Variants in EVI5 observed in about 807,000 individuals in gnomAD.
EVI5 encodes the protein ecotropic viral integration site 5, also known as ecotropic viral integration site 5 protein homolog.
In EVI5, 73 loss-of-function variants were observed where a neutral mutation model predicts 112.0. The observed-to-expected ratio is 0.65, with a 90% CI of 0.54 to 0.79. EVI5 has a LOEUF of 0.79. Ranked by LOEUF, EVI5 falls within the 30% of genes least tolerant of loss-of-function variation. The probability of loss-of-function intolerance (pLI) is 0.00; values close to 1 mark genes in which losing one functional copy is unlikely to be tolerated. For missense variants in EVI5, 900 were observed against 968.8 expected (o/e 0.93, Z 0.94); for synonymous variants, 305 against 319.9 (o/e 0.95, Z 0.50).
In EVI5 at chr1:92,693,863, C is replaced by T. The variant is rs1358217957; in HGVS notation, c.1036G>A (p.Val346Ile). The change falls in exon 9 of 20, where the codon GTC becomes ATC. Residue 346 changes from valine (V) to isoleucine (I), a missense_variant. By Grantham distance (29) the Val-to-Ile change is conservative. Transcript: ENST00000684568. ...QKVIPHQFDG[V>I]PDKLIQAAYQ... ...GCTGCTTGGATTAGCTTGTCTGGGA[C>T]ACCATCAAACTGATGTGGAATGACC... is the stretch of plus-strand genomic sequence containing the variant. 1.2e-6 allele frequency: 2 copies of T among 1,604,908 alleles called. No individual in the cohort carries two copies. Among genetic ancestry groups the T allele is most frequent in the African/African-American group, 1.3e-5 (1 of 74,538 alleles).
chr1:92,643,656 C>T (rs1344993319), intron 13 of EVI5, among the ~76,000 whole-genome samples: 3 of 152,160 alleles, frequency 2.0e-5, no homozygotes, highest in Non-Finnish European at 2.9e-5. Context: ...CTACTAAAGA[C>T]AATCATTCTA....
rs1174854137 is a variant in EVI5, at chr1:92,732,810, G to A, written c.149+3588C>T. Among the ~76,000 whole-genome samples, 3 of 144,450 alleles carry A rather than the reference G, an allele frequency of 2.1e-5. No individual in the cohort carries two copies. In the Admixed American group the frequency reaches 2.3e-4, roughly 11 times the overall value. 94.8% of individuals were successfully genotyped at this position (144,450 alleles called of 152,430 possible). A position where few individuals can be genotyped will look rare whatever the true frequency, so the allele number is the denominator to read the frequency against. ...AGCTACTTGGGAGGCTGAGGGAGAA[G>A]AATTGCTTGAACCCAGGAGGCAGAC... is the stretch of plus-strand genomic sequence containing the variant. On this transcript the variant is annotated intron_variant, in intron 2 of 19. Coordinates refer to ENST00000684568, the MANE Select transcript of EVI5 (RefSeq NM_001350197.2).
chr1:92,589,477 C>G (rs1323371753), intron 18 of EVI5, among the ~76,000 whole-genome samples: 1 of 152,184 alleles, frequency 6.6e-6, no homozygotes, highest in Non-Finnish European at 1.5e-5. Context: ...TATCCTGTGC[C>G]TGGCTTGGAG....
rs1461426278 is a variant in EVI5 at position 92,624,283 on chromosome 1, C to A, written c.1720G>T (p.Ala574Ser). 6.2e-7 allele frequency: 1 copy of A among 1,613,464 alleles called. No individual in the cohort carries two copies. The highest frequency in any genetic ancestry group is 1.1e-5 in the South Asian group (1 of 91,064). ...GRWKDPPKKN[A>S]MNELQDELMT... ...AGTTCATCTTGTAACTCATTCATAG[C>A]ATTTTTCTTGGGTGGGTCTTTCCAT... The change falls in exon 16 of 20, where the codon GCT (alanine) becomes TCT (serine). Residue 574 changes from alanine to serine, a missense_variant. By Grantham distance (99) the Ala-to-Ser change is moderately conservative. Coordinates refer to ENST00000684568, the MANE Select transcript of EVI5 (RefSeq NM_001350197.2).
intron 18 of EVI5, among the ~76,000 whole-genome samples, chr1:92,575,816 A>G (rs1249865274): frequency 6.6e-6 from 1 of 151,970 alleles, no homozygotes; most frequent in East Asian, 1.9e-4. Context: ...CACTCACTTC[A>G]GCCTCCCAAA....
upstream of EVI5, among the ~76,000 whole-genome samples, chr1:92,788,320 A>G (rs550938700): frequency 1.3e-5 from 2 of 151,988 alleles, no homozygotes; most frequent in South Asian, 4.2e-4. Flanking sequence ...AATACAAAAA[A>G]AAAATTAGCC....
chr1:92,694,765 T>C (rs1468173372), intron 7 of EVI5, among the ~76,000 whole-genome samples: 1 of 152,180 alleles, frequency 6.6e-6, no homozygotes, highest in East Asian at 1.9e-4. Context: ...GTAATACAAA[T>C]TGATTTTCCC....
In EVI5 at chr1:92,785,077, C is replaced by T. The variant is rs1455785293; in HGVS notation, c.-323G>A. ...TTGCCAGCTGGCCAGCTGGTTCCTC[C>T]GGGGTCCGGCCCGGCCGCGTCAGGA... On this transcript the variant is annotated 5_prime_UTR_variant, in exon 1 of 20. Coordinates refer to ENST00000684568, the MANE Select transcript of EVI5 (RefSeq NM_001350197.2). The T allele has an allele frequency of 6.1e-6, 6 of 985,348 alleles. No individual in the cohort carries two copies. The highest frequency in any genetic ancestry group is 4.8e-6 in the Non-Finnish European group (4 of 830,026). 61.0% of individuals were successfully genotyped at this position (985,348 alleles called of 1,614,324 possible).
At chr1:92,719,526 A>G (rs539721761) in intron 2 of EVI5, among the ~76,000 whole-genome samples, 1 of 152,166 alleles carries the variant, frequency 6.6e-6, no homozygotes, top group South Asian at 2.1e-4. Context: ...TCAATAAACT[A>G]GGTATTGATG....
intron 18 of EVI5, among the ~76,000 whole-genome samples, chr1:92,591,576 T>C (rs1271194733): frequency 6.6e-6 from 1 of 152,132 alleles, no homozygotes; most frequent in Non-Finnish European, 1.5e-5. Flanking sequence ...CCTAAATATA[T>C]ATGCACCCAA....
chr1:92,614,799 ATGTG>A (rs1274598523), intron 16 of EVI5, among the ~76,000 whole-genome samples: 1 of 147,666 alleles, frequency 6.8e-6, no homozygotes, highest in East Asian at 2.0e-4. Context: ...ATATATATGT[ATGTG>A]TATTATATAT....
chr1:92,561,614 T>TAATGTATCCC (rs1557790344), intron 19 of EVI5, among the ~76,000 whole-genome samples: 2 of 77,302 alleles, frequency 2.6e-5, no homozygotes, highest in Non-Finnish European at 5.6e-5. Flanking sequence ...CTATCCTATC[T>TAATGTATCCC]ATCTATCTAT....
At chr1:92,654,726 C>G (rs1662722146) in intron 13 of EVI5, among the ~76,000 whole-genome samples, 1 of 151,828 alleles carries the variant, frequency 6.6e-6, no homozygotes, top group African/African-American at 2.4e-5. Context: ...TACTGATTTC[C>G]AAGAAGCTCA....
chr1:92,547,850 A>G (rs999634434), intron 19 of EVI5, among the ~76,000 whole-genome samples: 1 of 152,242 alleles, frequency 6.6e-6, no homozygotes, highest in Non-Finnish European at 1.5e-5. Flanking sequence ...TTGAGGCAAT[A>G]ATTAGTAGCC....
chr1:92,669,561 A>AAAAAAAAAAAAAAAAAAAAAAAAAAC (rs1665511910), intron 10 of EVI5, among the ~76,000 whole-genome samples: 2 of 149,806 alleles, frequency 1.3e-5, no homozygotes, highest in Non-Finnish European at 3.0e-5. Flanking sequence ...AAAAAAAAAA[A>AAAAAAAAAAAAAAAAAAAAAAAAAAC]TCACTGGGAA....
chr1:92,604,662 A>G (rs1649957742), intron 18 of EVI5, among the ~76,000 whole-genome samples: 1 of 152,230 alleles, frequency 6.6e-6, no homozygotes, highest in African/African-American at 2.4e-5. Flanking sequence ...AACCAGTAAC[A>G]TAGTCATTTA....
chr1:92,695,067 G>A (rs1670089192), intron 7 of EVI5, among the ~76,000 whole-genome samples: 1 of 152,190 alleles, frequency 6.6e-6, no homozygotes, highest in South Asian at 2.1e-4. Context: ...TATGTATTGT[G>A]TGTCCATAGA....
chr1:92,731,937 T>C (rs1040013669), intron 2 of EVI5: 1 of 152,306 alleles, frequency 6.6e-6, no homozygotes, highest in African/African-American at 2.4e-5. Context: ...CGGTATAATC[T>C]TGGATCACCG....
At position 92,665,966 on chromosome 1, in the gene EVI5, TAA is replaced by T. The variant is rs1204264337; in HGVS notation, c.1183_1184del (p.Leu395LysfsTer17). The T allele has an allele frequency of 1.9e-6, 3 of 1,609,176 alleles. No homozygotes were observed. The highest frequency in any genetic ancestry group is 1.7e-6 in the Non-Finnish European group (2 of 1,178,376). On this transcript the variant is annotated frameshift_variant, in exon 11 of 20. Coordinates refer to ENST00000684568, the MANE Select transcript of EVI5 (RefSeq NM_001350197.2). LOFTEE classifies it high-confidence loss of function. ...TTTCTAATGTCTCGATGCGCTGTTT[TAA>T]AAGTCTATTTTCTGTGCGTAACCTC... The part of the protein sequence containing the change: ...IKRLRTENRL[L>X]KQRIETLEKE...
Sources: gnomAD v4.1 joint callset for allele counts (sites outside exome capture counted in the v4.1 genomes callset) on GRCh38, gnomAD v4.1.1 for gene constraint, MANE v1.5 for transcripts, NCBI Gene and HGNC (gene_info 2026-07-23, HGNC 2026-07-21) for gene names.